FSTL4: variants seen among roughly 807,000 people sequenced by gnomAD.
FSTL4 encodes follistatin like 4.
Under a neutral mutation model 78.2 loss-of-function variants are expected in FSTL4, and 28 were observed. The observed-to-expected ratio is 0.36, with a 90% confidence interval of 0.27 to 0.49. The LOEUF is 0.49. Among genes scored for constraint, FSTL4 ranks in the 20% least tolerant of loss-of-function variants. The pLI, the probability that FSTL4 is intolerant of heterozygous loss-of-function variation, is 0.98. For missense variants in FSTL4, 922 were observed against 1,084.9 expected (o/e 0.85, Z 2.11); for synonymous variants, 422 against 440.5 (o/e 0.96, Z 0.53).
chr5:133,254,727 C>T (rs772677649), intron 6 of FSTL4, among the ~76,000 whole-genome samples: 62 of 152,250 alleles, frequency 4.1e-4, no homozygotes, highest in Non-Finnish European at 7.6e-4. Flanking sequence ...CTCCACCCTG[C>T]GCCTTCTCTG....
chr5:133,241,299 C>A (rs757677839), intron 7 of FSTL4, among the ~76,000 whole-genome samples: 4 of 152,188 alleles, frequency 2.6e-5, no homozygotes, highest in Non-Finnish European at 5.9e-5. Flanking sequence ...TTTTGGGAAC[C>A]ACCTGACTTC....
the FSTL4 span, among the ~76,000 whole-genome samples, chr5:133,766,195 A>G: frequency 0.37 from 55,949 of 151,970 alleles, 10,974 homozygotes; most frequent in Middle Eastern, 0.46. Context: ...CTGTTTTTGT[A>G]CTGCCTAAGA....
chr5:133,582,692 C>T (rs944750622), intron 2 of FSTL4, among the ~76,000 whole-genome samples: 5 of 152,228 alleles, frequency 3.3e-5, no homozygotes, highest in Non-Finnish European at 7.3e-5. Flanking sequence ...CTTCTTCCTT[C>T]CATGCTAGGC....
At position 133,236,060 on chromosome 5, in the gene FSTL4, G is replaced by A. The variant is rs138540944; in HGVS notation, c.895-2523C>T. Reference sequence around the variant, plus strand: ...GTGGGTCCCAGGGCAGACACCATCCGAGAGGGCAAAAACCAGAGCTGCTTG... The same window carrying A: ...GTGGGTCCCAGGGCAGACACCATCCAAGAGGGCAAAAACCAGAGCTGCTTG... On this transcript the variant is annotated intron_variant, in intron 7 of 15. Transcript: ENST00000265342. The surrounding 1 kb of genome is among the most constrained non-coding windows in gnomAD (Gnocchi z 5.0). Among the ~76,000 whole-genome samples the A allele has an allele frequency of 2.0e-5, 3 of 152,248 alleles. No individual in the cohort carries two copies. The highest frequency in any genetic ancestry group is 3.9e-4 in the East Asian group (2 of 5,178).
chr5:133,496,268 C>G (rs960115408), intron 3 of FSTL4, among the ~76,000 whole-genome samples: 3 of 152,266 alleles, frequency 2.0e-5, no homozygotes, highest in Admixed American at 2.0e-4. Flanking sequence ...GTCAAACAAA[C>G]AAAGAAAGCA....
intron 4 of FSTL4, among the ~76,000 whole-genome samples, chr5:133,341,376 G>C (rs1754578080): frequency 6.6e-6 from 1 of 152,080 alleles, no homozygotes; most frequent in Admixed American, 6.5e-5. Context: ...TAACCATGAG[G>C]TGGCTTCCCA....
At position 133,234,061 on chromosome 5, in the gene FSTL4, T is replaced by C. The variant is rs35139814; in HGVS notation, c.895-524A>G. On this transcript the variant is annotated intron_variant, in intron 7 of 15. Transcript: ENST00000265342. ...GCATGAAAATAGCCTTCAAGACACA[T>C]AAATTAATGAACGTGGCTGTGTTCC... Among the ~76,000 whole-genome samples, 897 of 152,266 alleles carry C rather than the reference T, an allele frequency of 5.9e-3. 5 individuals are homozygous for C. The highest frequency in any genetic ancestry group is 0.016 in the East Asian group (81 of 5,172).
intron 1 of FSTL4, among the ~76,000 whole-genome samples, chr5:133,606,525 G>A (rs914604517): frequency 6.6e-5 from 10 of 152,228 alleles, no homozygotes; most frequent in Non-Finnish European, 1.0e-4. Context: ...AGAAAACAGC[G>A]AGTGGATTTT....
rs368846983 is a variant in FSTL4, at chr5:133,304,628, G to A, written c.727+8026C>T. ...CTTCCAGCTGGGATCTTTAAAAATG[G>A]AAAGTGCTGGAAGACTCAGCTCCAG... On this transcript the variant is annotated intron_variant, in intron 6 of 15. Coordinates refer to ENST00000265342, the MANE Select transcript of FSTL4 (RefSeq NM_015082.2). Among the ~76,000 whole-genome samples, 9 of 152,336 alleles carry A rather than the reference G, an allele frequency of 5.9e-5. No individual in the cohort carries two copies. In the East Asian group the frequency reaches 9.6e-4, roughly 16 times the overall value.
At chr5:133,552,110 T>C (rs1372602523) in intron 3 of FSTL4, among the ~76,000 whole-genome samples, 1 of 152,126 alleles carries the variant, frequency 6.6e-6, no homozygotes, top group Non-Finnish European at 1.5e-5. Context: ...GCTTCAGCCT[T>C]TACTCTAATT....
At chr5:133,701,148 A>C in the FSTL4 span, among the ~76,000 whole-genome samples, 1 of 152,154 alleles carries the variant, frequency 6.6e-6, no homozygotes, top group Non-Finnish European at 1.5e-5. Flanking sequence ...CATGCATGTA[A>C]ACCCAGCATT....
intron 12 of FSTL4, among the ~76,000 whole-genome samples, chr5:133,218,883 A>C (rs1193398092): frequency 6.6e-6 from 1 of 152,194 alleles, no homozygotes; most frequent in African/African-American, 2.4e-5. Context: ...ATTGTAAGTA[A>C]GTTCCTTGAG....
chr5:133,698,080 C>A, the FSTL4 span, among the ~76,000 whole-genome samples: 1 of 152,198 alleles, frequency 6.6e-6, no homozygotes, highest in African/African-American at 2.4e-5. Context: ...GTGTGGCTTT[C>A]ATAAAAGAAA....
intron 13 of FSTL4, 68 bp from the exon 14 acceptor site, chr5:133,210,366 G>T (rs1750668234): frequency 4.2e-6 from 4 of 941,610 alleles, no homozygotes; most frequent in Non-Finnish European, 6.9e-6. Context: ...TGTATGCATG[G>T]GCATCACTCC....
chr5:133,597,775 T>A (rs558477294), intron 2 of FSTL4, among the ~76,000 whole-genome samples: 1 of 152,228 alleles, frequency 6.6e-6, no homozygotes, highest in Admixed American at 6.5e-5. Context: ...AGCTCACCAA[T>A]GCAGCAATGC....
the FSTL4 span, among the ~76,000 whole-genome samples, chr5:133,751,213 C>G: frequency 1.3e-5 from 2 of 152,172 alleles, no homozygotes; most frequent in African/African-American, 4.8e-5. Flanking sequence ...CATGCTTCTT[C>G]GACTCCAAGA....
At chr5:133,486,643 C>T (rs980740127) in intron 3 of FSTL4, among the ~76,000 whole-genome samples, 8 of 152,136 alleles carry the variant, frequency 5.3e-5, no homozygotes, top group African/African-American at 1.9e-4. Context: ...ACCCTGGTGA[C>T]CCTTTACAGT....
intron 4 of FSTL4, among the ~76,000 whole-genome samples, chr5:133,351,749 A>T (rs1320319092): frequency 6.6e-6 from 1 of 152,090 alleles, no homozygotes; most frequent in Non-Finnish European, 1.5e-5. Context: ...CTGGGCCTAC[A>T]GGCATGCACT....
chr5:133,458,547 C>T (rs1272747663), intron 3 of FSTL4, among the ~76,000 whole-genome samples: 1 of 152,216 alleles, frequency 6.6e-6, no homozygotes, highest in Non-Finnish European at 1.5e-5. Flanking sequence ...AATAGGCTTC[C>T]TTAATGGGAA....
Sources: allele counts gnomAD v4.1 joint callset (sites outside exome capture counted in the v4.1 genomes callset), GRCh38; gene constraint gnomAD v4.1.1; non-coding constraint Gnocchi (gnomAD v3.1); transcripts MANE v1.5; gene names NCBI Gene and HGNC (gene_info 2026-07-23, HGNC 2026-07-21).